The following TP63 variants were observed in gnomAD, a reference collection of about 807,000 sequenced individuals.
TP63 encodes the protein tumor protein p63, also known as tumor protein 63.
Under a neutral mutation model 82.8 loss-of-function variants are expected in TP63, and 17 were observed. The ratio of observed to expected loss-of-function variants is 0.21; its 90% confidence interval spans 0.14 to 0.31. TP63 has a LOEUF of 0.31. Among genes scored for constraint, TP63 ranks in the 10% least tolerant of loss-of-function variants. The pLI is 1.00. For missense variants in TP63, 648 were observed against 895.3 expected, an observed-to-expected ratio of 0.72 and a Z score of 3.52; for synonymous variants, 330 against 321.7, an observed-to-expected ratio of 1.03 and a Z score of -0.28.
chr3:189,723,296 G>A (rs1577305166), intron 1 of TP63, among the ~76,000 whole-genome samples: 1 of 152,174 alleles, frequency 6.6e-6, no homozygotes. Flanking sequence ...TAGGGACTCT[G>A]AAGCCATATC....
intron 13 of TP63, among the ~76,000 whole-genome samples, chr3:189,892,358 T>G (rs181228723): frequency 1.3e-5 from 2 of 152,310 alleles, no homozygotes; most frequent in African/African-American, 4.8e-5. Flanking sequence ...TGCCAATCTG[T>G]GGGCCACAGC....
chr3:189,803,721 A>G (rs562754008), intron 3 of TP63, among the ~76,000 whole-genome samples: 1 of 152,356 alleles, frequency 6.6e-6, no homozygotes, highest in South Asian at 2.1e-4. Flanking sequence ...TATCACAACT[A>G]CAAATAAATT....
chr3:189,833,285 G>A (rs1046125627), intron 4 of TP63, among the ~76,000 whole-genome samples: 1 of 152,204 alleles, frequency 6.6e-6, no homozygotes, highest in Admixed American at 6.5e-5. Flanking sequence ...CTGAGTAGGA[G>A]CAAATAAGTA....
intron 1 of TP63, among the ~76,000 whole-genome samples, chr3:189,635,459 G>A (rs966901916): frequency 1.3e-5 from 2 of 152,012 alleles, no homozygotes; most frequent in African/African-American, 4.8e-5. Context: ...TCAAGAAGCT[G>A]CCTCCTGATA....
chr3:189,834,888 C>CTTT (rs10641824), intron 4 of TP63, among the ~76,000 whole-genome samples: 43,879 of 138,222 alleles, frequency 0.32, 7,339 homozygotes, highest in East Asian at 0.51. Flanking sequence ...GGTTTTTTTC[C>CTTT]TTTTTTTTTT....
At chr3:189,810,572 T>C (rs1378090638) in intron 4 of TP63, among the ~76,000 whole-genome samples, 1 of 152,182 alleles carries the variant, frequency 6.6e-6, no homozygotes, top group East Asian at 1.9e-4. Flanking sequence ...ATAGAAATCT[T>C]AAAAGCCGGG....
intron 9 of TP63, 36 bp from the exon 10 acceptor site, chr3:189,872,823 T>C (rs1196816243): frequency 9.3e-6 from 15 of 1,614,002 alleles, no homozygotes; most frequent in Non-Finnish European, 1.3e-5. Context: ...CTACAGCTTT[T>C]CATGTTTCCT....
chr3:189,602,160 C>T, the TP63 span, among the ~76,000 whole-genome samples: 520 of 152,180 alleles, frequency 3.4e-3, 4 homozygotes, highest in Non-Finnish European at 5.6e-3. Flanking sequence ...CTTTCTCAGA[C>T]GCTTCACAGA....
intron 3 of TP63, among the ~76,000 whole-genome samples, chr3:189,769,695 T>C (rs997341324): frequency 2.0e-5 from 3 of 152,222 alleles, no homozygotes; most frequent in African/African-American, 7.2e-5. Context: ...ACTGTGCCCA[T>C]TTAGACATTT....
intron 3 of TP63, among the ~76,000 whole-genome samples, chr3:189,806,791 T>C (rs1222912204): frequency 6.6e-6 from 1 of 152,132 alleles, no homozygotes; most frequent in East Asian, 1.9e-4. Context: ...AATGCATGAA[T>C]GTAATGGAAT....
In TP63 at chr3:189,800,555, C is replaced by T. The variant is rs144141690; in HGVS notation, c.325-7717C>T. ...GTAACTTTCAGATAAAAATTCCAGG[C>T]AGAAATGTGAGTGATTCCTATTTAC... On this transcript the variant is annotated intron_variant, in intron 3 of 13. Coordinates refer to ENST00000264731, the MANE Select transcript of TP63 (RefSeq NM_003722.5). Among the ~76,000 whole-genome samples the T allele has an allele frequency of 5.9e-5, 9 of 151,490 alleles. No homozygotes were observed. In the East Asian group the frequency reaches 1.6e-3, roughly 26 times the overall value.
chr3:189,687,562 T>C (rs1216668917), intron 1 of TP63, among the ~76,000 whole-genome samples: 2 of 152,132 alleles, frequency 1.3e-5, no homozygotes, highest in Admixed American at 1.3e-4. Flanking sequence ...GAATTGCAAA[T>C]AAAAATGAAG....
At chr3:189,831,378 G>A (rs534623164) in intron 4 of TP63, among the ~76,000 whole-genome samples, 2 of 152,122 alleles carry the variant, frequency 1.3e-5, no homozygotes, top group African/African-American at 4.8e-5. Context: ...CTAATTTGCT[G>A]TGAGGGTATT....
intron 1 of TP63, chr3:189,645,410 T>G (rs1712326313): frequency 2.2e-6 from 1 of 460,080 alleles, no homozygotes. Context: ...GAATGACTTC[T>G]GCTACTCCAT....
intron 1 of TP63, among the ~76,000 whole-genome samples, chr3:189,663,775 A>G (rs1234438335): frequency 6.6e-6 from 1 of 151,444 alleles, no homozygotes; most frequent in African/African-American, 2.4e-5. Flanking sequence ...TGATCCTCCC[A>G]CCTCAGACTC....
chr3:189,833,853 T>C (rs1281805357), intron 4 of TP63, among the ~76,000 whole-genome samples: 1 of 152,196 alleles, frequency 6.6e-6, no homozygotes, highest in Admixed American at 6.5e-5. Flanking sequence ...TTAAAAACGA[T>C]TATTATTTTG....
chr3:189,611,021 A>G, the TP63 span, among the ~76,000 whole-genome samples: 2 of 152,164 alleles, frequency 1.3e-5, no homozygotes, highest in Non-Finnish European at 2.9e-5. Flanking sequence ...CCCATCATTC[A>G]ATTACCTCCA....
At chr3:189,629,098 A>T (rs1393946881), upstream of TP63, among the ~76,000 whole-genome samples, 1 of 152,120 alleles carries the variant, frequency 6.6e-6, no homozygotes, top group African/African-American at 2.4e-5. Flanking sequence ...AAAAAAATAG[A>T]TGAGTGTGGT....
chr3:189,886,362 G>A (rs1299754946), intron 10 of TP63, 32 bp from the exon 11 acceptor site: 1 of 1,610,894 alleles, frequency 6.2e-7, no homozygotes, highest in Admixed American at 1.7e-5. Flanking sequence ...AGTGTCCCTT[G>A]CTCACCATTA....
Sources: allele counts gnomAD v4.1 joint callset (sites outside exome capture counted in the v4.1 genomes callset), GRCh38; gene constraint gnomAD v4.1.1; transcripts MANE v1.5; gene names NCBI Gene and HGNC (gene_info 2026-07-23, HGNC 2026-07-21).